UNC5D: variants seen among roughly 807,000 people sequenced by gnomAD.
UNC5D encodes netrin receptor UNC5D.
UNC5D carries 39 observed loss-of-function variants against 105.4 expected under a neutral mutation model. That is an observed-to-expected ratio of 0.37 (90% CI 0.29 to 0.48). UNC5D has a LOEUF of 0.48. Ranked by LOEUF, UNC5D falls within the 20% of genes least tolerant of loss-of-function variation. UNC5D has a pLI of 0.98. For synonymous variants in UNC5D, 452 were observed against 450.4 expected (o/e 1.00, Z -0.04); for missense variants, 991 against 1,202.4 (o/e 0.82, Z 2.60).
chr8:35,302,191 C>T (rs1364912575), intron 1 of UNC5D, among the ~76,000 whole-genome samples: 1 of 152,140 alleles, frequency 6.6e-6, no homozygotes, highest in Non-Finnish European at 1.5e-5. Flanking sequence ...TTGAGCAGCT[C>T]AGTGGTGCCA....
At chr8:35,720,336 G>C (rs950397787) in intron 8 of UNC5D, among the ~76,000 whole-genome samples, 3 of 152,188 alleles carry the variant, frequency 2.0e-5, no homozygotes, top group Admixed American at 2.0e-4. Context: ...CTGCCAGGCT[G>C]TTTCTCTGTA....
intron 1 of UNC5D, among the ~76,000 whole-genome samples, chr8:35,462,091 T>G (rs1045227464): frequency 6.6e-6 from 1 of 152,182 alleles, no homozygotes; most frequent in Admixed American, 6.5e-5. Context: ...ATTTTCATTT[T>G]GAATATTAGT....
intron 7 of UNC5D, among the ~76,000 whole-genome samples, chr8:35,688,316 G>C (rs1418849547): frequency 6.6e-6 from 1 of 151,932 alleles, no homozygotes; most frequent in South Asian, 2.1e-4. Context: ...TTTTCTTTGG[G>C]AAGATGACAG....
chr8:35,683,962 C>G (rs1383258614), intron 5 of UNC5D, among the ~76,000 whole-genome samples: 1 of 152,150 alleles, frequency 6.6e-6, no homozygotes, highest in Non-Finnish European at 1.5e-5. Context: ...CATTTCCAAT[C>G]TCTCTTTTAA....
At chr8:35,390,612 A>G (rs1563370637) in intron 1 of UNC5D, among the ~76,000 whole-genome samples, 1 of 152,224 alleles carries the variant, frequency 6.6e-6, no homozygotes, top group African/African-American at 2.4e-5. Context: ...GTGTTAAGTA[A>G]ACACAACCAA....
intron 1 of UNC5D, among the ~76,000 whole-genome samples, chr8:35,344,022 T>A (rs1811635245): frequency 6.6e-6 from 1 of 152,100 alleles, no homozygotes; most frequent in South Asian, 2.1e-4. Flanking sequence ...GTGACTAGTG[T>A]CACCTGGAGC....
chr8:35,692,269 A>C (rs1215718575), intron 7 of UNC5D, among the ~76,000 whole-genome samples: 1 of 152,210 alleles, frequency 6.6e-6, no homozygotes. Context: ...TTGTCTATTC[A>C]ATGATCTACT....
chr8:35,422,004 A>G (rs1299723724), intron 1 of UNC5D, among the ~76,000 whole-genome samples: 1 of 152,200 alleles, frequency 6.6e-6, no homozygotes, highest in African/African-American at 2.4e-5. Context: ...CATTAAGAGA[A>G]TCTTTTTTCA....
At chr8:35,626,183 G>A (rs1347597117) in intron 4 of UNC5D, among the ~76,000 whole-genome samples, 1 of 151,318 alleles carries the variant, frequency 6.6e-6, no homozygotes, top group Non-Finnish European at 1.5e-5. Context: ...TCTCCCTGGG[G>A]CCACTCAGAC....
intron 1 of UNC5D, among the ~76,000 whole-genome samples, chr8:35,406,729 A>T (rs573990889): frequency 6.6e-6 from 1 of 152,234 alleles, no homozygotes; most frequent in Admixed American, 6.5e-5. Context: ...GATGCTCTGG[A>T]TTTAGGAAGC....
intron 1 of UNC5D, among the ~76,000 whole-genome samples, chr8:35,501,559 C>T (rs1036668390): frequency 1.3e-5 from 2 of 152,120 alleles, no homozygotes; most frequent in South Asian, 2.1e-4. Context: ...TTGAAATCTC[C>T]GTGCAAGGGC....
chr8:35,750,433 A>G, intron 12 of UNC5D, 149 bp from the exon 13 acceptor site: 1 of 794,500 alleles, frequency 1.3e-6, no homozygotes, highest in South Asian at 1.7e-5. Context: ...TTGATAGAAG[A>G]GGAACAGTTA....
Position 35,595,618 on chromosome 8 carries a change from A to G in UNC5D, c.531A>G (p.Val177=). The change falls in exon 4 of 17, where the codon GTA becomes GTG. Residue 177 remains valine, a synonymous_variant. Coordinates refer to ENST00000404895, the MANE Select transcript of UNC5D (RefSeq NM_080872.4). ...AAGTTCCCATTGAAGGCATGATTGT[A>G]CTGCACTGCCGCCCACCAGAGGGAG... is the stretch of plus-strand genomic sequence containing the variant. ...GREVPIEGMI[V]LHCRPPEGVP... 6.2e-7 allele frequency: 1 copy of G among 1,614,132 alleles called. No individual in the cohort carries two copies. Among genetic ancestry groups the G allele is most frequent in the Non-Finnish European group, 8.5e-7 (1 of 1,179,990 alleles).
At chr8:35,631,469 G>A (rs1822040560) in intron 4 of UNC5D, among the ~76,000 whole-genome samples, 1 of 152,184 alleles carries the variant, frequency 6.6e-6, no homozygotes, top group South Asian at 2.1e-4. Flanking sequence ...ATGCACTGCT[G>A]GGCAGTATCA....
At chr8:35,765,276 C>T (rs1801714996) in intron 14 of UNC5D, among the ~76,000 whole-genome samples, 1 of 152,154 alleles carries the variant, frequency 6.6e-6, no homozygotes, top group Non-Finnish European at 1.5e-5. Context: ...AGTTTTTAGG[C>T]TTCCAGCCCC....
chr8:35,432,748 C>T (rs1457511059), intron 1 of UNC5D, among the ~76,000 whole-genome samples: 2 of 152,146 alleles, frequency 1.3e-5, no homozygotes, highest in Non-Finnish European at 2.9e-5. Flanking sequence ...TATTTTTCAT[C>T]TTTGCATGAG....
intron 15 of UNC5D, among the ~76,000 whole-genome samples, chr8:35,768,287 A>C (rs1801860306): frequency 6.6e-6 from 1 of 152,166 alleles, no homozygotes. Context: ...ATGTTTATGC[A>C]GTATTTGCGT....
intron 1 of UNC5D, among the ~76,000 whole-genome samples, chr8:35,284,175 T>A (rs967621284): frequency 2.0e-5 from 3 of 152,158 alleles, no homozygotes; most frequent in Admixed American, 1.3e-4. Context: ...TCTGAAAAAA[T>A]CATACTGAGT....
chr8:35,607,159 C>T (rs1374966662), intron 4 of UNC5D, among the ~76,000 whole-genome samples: 1 of 152,078 alleles, frequency 6.6e-6, no homozygotes, highest in Non-Finnish European at 1.5e-5. Context: ...CAGCGCAGTC[C>T]AATGTCAGTG....
Sources: gnomAD v4.1 joint callset for allele counts (sites outside exome capture counted in the v4.1 genomes callset) on GRCh38, gnomAD v4.1.1 for gene constraint, MANE v1.5 for transcripts, NCBI Gene and HGNC (gene_info 2026-07-23, HGNC 2026-07-21) for gene names.